RYR2: variants seen among roughly 807,000 people sequenced by gnomAD.
The protein encoded by RYR2 is ryanodine receptor 2, also known as cardiac muscle ryanodine receptor-calcium release channel.
In RYR2, 227 loss-of-function variants were observed where a neutral mutation model predicts 601.1. The observed-to-expected ratio is 0.38, with a 90% CI of 0.34 to 0.42. The LOEUF (loss-of-function observed/expected upper bound fraction) is 0.42. RYR2 is among the 10% of genes least tolerant of loss of function. The pLI is 1.00. For synonymous variants in RYR2, 2,223 were observed against 2,175.1 expected, an observed-to-expected ratio of 1.02 and a Z score of -0.61; for missense variants, 4,646 against 6,156.5, an observed-to-expected ratio of 0.75 and a Z score of 8.21.
chr1:237,491,692 G>T (rs1663360716), intron 17 of RYR2, 114 bp from the exon 18 acceptor site: 2 of 619,998 alleles, frequency 3.2e-6, no homozygotes, highest in Non-Finnish European at 5.9e-6. Context: ...GTCACATTGA[G>T]CACAGATAAT....
At position 237,072,026 on chromosome 1, in the gene RYR2, C is replaced by T. The variant is rs1664410039; in HGVS notation, c.48+29457C>T. Among the ~76,000 whole-genome samples the T allele has an allele frequency of 2.6e-5, 4 of 152,258 alleles. No individual in the cohort carries two copies. In the South Asian group the frequency reaches 6.2e-4, roughly 24 times the overall value. ...GGGAATGGCCAGGGAGCAGGCACTTCTGACCCTGCTGGGGGAAGAGGGTGT... is the reference window on the plus strand; with the variant it reads ...GGGAATGGCCAGGGAGCAGGCACTTTTGACCCTGCTGGGGGAAGAGGGTGT... On this transcript the variant is annotated intron_variant, in intron 1 of 104. Transcript: ENST00000366574.
At chr1:237,727,887 T>C (rs548311915) in intron 76 of RYR2, among the ~76,000 whole-genome samples, 1 of 152,226 alleles carries the variant, frequency 6.6e-6, no homozygotes, top group South Asian at 2.1e-4. Context: ...TTCAGTCACC[T>C]TGGAGTTCTC....
chr1:237,267,541 G>A (rs749893709), intron 1 of RYR2: 10 of 230,078 alleles, frequency 4.3e-5, no homozygotes, highest in Non-Finnish European at 9.3e-5. Context: ...AAAGAGAAGA[G>A]AAGAGAAGAA....
chr1:237,439,869 G>C (rs555443888), intron 12 of RYR2, among the ~76,000 whole-genome samples: 1 of 151,940 alleles, frequency 6.6e-6, no homozygotes, highest in South Asian at 2.1e-4. Context: ...GTTCTATTCT[G>C]AAGAGATAAT....
At chr1:237,085,579 C>T (rs957706049) in intron 1 of RYR2, among the ~76,000 whole-genome samples, 2 of 152,248 alleles carry the variant, frequency 1.3e-5, no homozygotes, top group Middle Eastern at 3.4e-3. Context: ...ATTGGGTGCA[C>T]GTGTGTGTTT....
intron 1 of RYR2, 88 bp downstream of exon 1, chr1:237,042,657 C>T (rs776729098): frequency 3.3e-4 from 398 of 1,193,670 alleles, no homozygotes; most frequent in Non-Finnish European, 3.8e-4. Flanking sequence ...CAGCGGGCAG[C>T]GGGGACTCGC....
chr1:237,408,403 TATAA>T lies in RYR2; in HGVS notation c.774-8643_774-8640del, dbSNP rs1266392573. On this transcript the variant is annotated intron_variant, in intron 10 of 104. Coordinates refer to ENST00000366574, the MANE Select transcript of RYR2 (RefSeq NM_001035.3). The stretch of plus-strand genomic sequence containing the variant: ...TGTGTCTAGATTCTTTATATATATA[TATAA>T]ATGGATATCCAGTCTTTTCAGTACT... Among the ~76,000 whole-genome samples, 133 of 148,128 alleles carry T rather than the reference TATAA, an allele frequency of 9.0e-4. 9 individuals are homozygous for T. Among genetic ancestry groups the T allele is most frequent in the African/African-American group, 3.1e-3 (123 of 39,358 alleles).
intron 3 of RYR2, among the ~76,000 whole-genome samples, chr1:237,334,440 A>AAAAT (rs71561865): frequency 7.5e-5 from 11 of 146,050 alleles, no homozygotes; most frequent in South Asian, 2.1e-4. Context: ...GTTTAATTAA[A>AAAAT]ATATATATAT....
In RYR2 at chr1:237,647,809, C is replaced by T. The variant is rs144374130; in HGVS notation, c.7343-635C>T. ...CACATAATCCCATGATTTCTCATAT[C>T]AGCGGTCCCCAATTAGGGAACCTAC... On this transcript the variant is annotated intron_variant, in intron 48 of 104. Coordinates refer to ENST00000366574, the MANE Select transcript of RYR2 (RefSeq NM_001035.3). Among the ~76,000 whole-genome samples the T allele has an allele frequency of 5.7e-3, 862 of 152,274 alleles. 7 individuals are homozygous for T. Among genetic ancestry groups the T allele is most frequent in the African/African-American group, 0.019 (810 of 41,550 alleles).
rs549739305 is a variant in RYR2, at chr1:237,100,838, C to T, written c.48+58269C>T. On this transcript the variant is annotated intron_variant, in intron 1 of 104. Coordinates refer to ENST00000366574, the MANE Select transcript of RYR2 (RefSeq NM_001035.3). ...ACTAGGGGTCCTTCTGAAGTTATCC[C>T]GGCCCCTGGGAAACTCACGTGGCAT... 1.1e-4 allele frequency among the ~76,000 whole-genome samples: 16 copies of T among 152,146 alleles called. 1 individual carries two copies. Among genetic ancestry groups the T allele is most frequent in the Non-Finnish European group, 1.5e-4 (10 of 68,038 alleles).
intron 1 of RYR2, among the ~76,000 whole-genome samples, chr1:237,191,626 G>T (rs544535896): frequency 6.6e-6 from 1 of 152,054 alleles, no homozygotes; most frequent in Non-Finnish European, 1.5e-5. Flanking sequence ...ATAAAAGAAC[G>T]GCACAATCAA....
At chr1:237,801,818 T>C in intron 97 of RYR2, 38 bp from the exon 98 acceptor site, 1 of 1,351,518 alleles carries the variant, frequency 7.4e-7, no homozygotes, top group Non-Finnish European at 1.0e-6. Context: ...CTTTGGTTAA[T>C]GTGCATAACT....
intron 4 of RYR2, among the ~76,000 whole-genome samples, chr1:237,356,755 A>C (rs375776612): frequency 5.1e-4 from 78 of 152,318 alleles, no homozygotes; most frequent in African/African-American, 1.8e-3. Flanking sequence ...ACCTTCCAAT[A>C]CTTAACACAC....
chr1:237,388,287 A>G lies in RYR2; in HGVS notation c.773+104A>G, dbSNP rs113041460. The stretch of plus-strand genomic sequence containing the variant: ...ATTCAGGCCAGTAGCATCATACAAG[A>G]TGGGCTACTGACATTCATTGATTCA... On this transcript the variant is annotated intron_variant, in intron 10 of 104. Coordinates refer to ENST00000366574, the MANE Select transcript of RYR2 (RefSeq NM_001035.3). 136 of 880,560 alleles carry G rather than the reference A, an allele frequency of 1.5e-4. No homozygotes were observed. The African/African-American group carries it at 2.1e-3, about 14-fold the overall frequency. The allele number at this position is 880,560 out of a possible 1,614,324, so 54.5% of individuals were successfully genotyped here.
At chr1:237,577,026 C>T (rs1224462582) in intron 29 of RYR2, among the ~76,000 whole-genome samples, 1 of 152,184 alleles carries the variant, frequency 6.6e-6, no homozygotes, top group Non-Finnish European at 1.5e-5. Context: ...TCAAATTGGT[C>T]TCTCCACTTT....
In RYR2 at chr1:237,637,028, G is replaced by A. The variant is rs192667002; in HGVS notation, c.6793-1329G>A. Among the ~76,000 whole-genome samples, 469 of 152,306 alleles carry A rather than the reference G, an allele frequency of 3.1e-3. 8 individuals are homozygous for A. The highest frequency in any genetic ancestry group is 0.011 in the African/African-American group (455 of 41,572). On this transcript the variant is annotated intron_variant, in intron 44 of 104. Transcript: ENST00000366574. ...GAAAACCGATTGTCTGGGACTAGGT[G>A]TGTGGGGAGAAAGGGACTGCAAAGG...
At position 237,595,675 on chromosome 1, in the gene RYR2, A is replaced by G. The variant is rs562555021; in HGVS notation, c.4596+18A>G. The G allele has an allele frequency of 3.8e-6, 6 of 1,590,516 alleles. No individual in the cohort carries two copies. In the South Asian group the frequency reaches 5.8e-5, roughly 15 times the overall value. On this transcript the variant is annotated intron_variant, in intron 34 of 104. Coordinates refer to ENST00000366574, the MANE Select transcript of RYR2 (RefSeq NM_001035.3). ...ACTATCAGGTACGCGGTCAGTGATG[A>G]TATCAGTCTTCTAGGGAGGAAGACT...
intron 16 of RYR2, among the ~76,000 whole-genome samples, chr1:237,458,740 T>TAA (rs56396692): frequency 3.8e-4 from 56 of 149,192 alleles, no homozygotes; most frequent in African/African-American, 1.3e-3. Flanking sequence ...CAAAAAAAGT[T>TAA]AAAAAAAAAA....
At chr1:237,447,011 G>A (rs1051046889) in intron 14 of RYR2, among the ~76,000 whole-genome samples, 4 of 152,092 alleles carry the variant, frequency 2.6e-5, no homozygotes, top group Non-Finnish European at 5.9e-5. Context: ...CTTTACTAGA[G>A]CTGATCAATC....
Sources: gnomAD v4.1 joint callset for allele counts (sites outside exome capture counted in the v4.1 genomes callset) on GRCh38, gnomAD v4.1.1 for gene constraint, MANE v1.5 for transcripts, NCBI Gene and HGNC (gene_info 2026-07-23, HGNC 2026-07-21) for gene names.